The following RALGPS1 variants were observed in gnomAD, a reference collection of about 807,000 sequenced individuals.
RALGPS1 encodes the protein ras-specific guanine nucleotide-releasing factor RalGPS1.
Under a neutral mutation model 78.8 loss-of-function variants are expected in RALGPS1, and 19 were observed. That is an observed-to-expected ratio of 0.24 (90% CI 0.17 to 0.35). The LOEUF (loss-of-function observed/expected upper bound fraction) is 0.35, where lower values mean the gene tolerates loss of function less well. RALGPS1 is among the 10% of genes least tolerant of loss of function. The pLI is 1.00. For missense variants in RALGPS1, 454 were observed against 688.3 expected (o/e 0.66, Z 3.81); for synonymous variants, 228 against 256.3 (o/e 0.89, Z 1.06).
intron 14 of RALGPS1, among the ~76,000 whole-genome samples, chr9:127,206,191 C>T (rs1002482759): frequency 2.6e-5 from 4 of 152,224 alleles, no homozygotes; most frequent in Admixed American, 2.0e-4. Context: ...GTAGCATCAC[C>T]TGGGCCCTTC....
At chr9:127,045,071 C>T (rs1426992596) in intron 5 of RALGPS1, among the ~76,000 whole-genome samples, 2 of 151,892 alleles carry the variant, frequency 1.3e-5, no homozygotes, top group African/African-American at 4.8e-5. Context: ...TAGGTGAAGC[C>T]TGGGTTTTTA....
At position 127,218,853 on chromosome 9, in the gene RALGPS1, C is replaced by A; in HGVS notation, c.*84C>A. 6.8e-7 allele frequency: 1 copy of A among 1,479,030 alleles called. No individual in the cohort carries two copies. The highest frequency in any genetic ancestry group is 9.5e-7 in the Non-Finnish European group (1 of 1,057,500). 91.6% of individuals were successfully genotyped at this position (1,479,030 alleles called of 1,614,324 possible). A position where few individuals can be genotyped will look rare whatever the true frequency, so the allele number is the denominator to read the frequency against. On this transcript the variant is annotated 3_prime_UTR_variant, in exon 19 of 19. Transcript: ENST00000259351. This position sits in a 1 kb window ranked among gnomAD's most constrained non-coding sequence, Gnocchi z 4.4. ...GGTGAAGAGCAGTCCTGGGCACAGG[C>A]TGTGAGCCAGGGTGCTGGGAAACTC...
At chr9:127,119,145 C>G (rs116464141) in intron 8 of RALGPS1, among the ~76,000 whole-genome samples, 1 of 152,186 alleles carries the variant, frequency 6.6e-6, no homozygotes. Flanking sequence ...AGTCAGCCAA[C>G]CTGGTTTCGA....
intron 8 of RALGPS1, among the ~76,000 whole-genome samples, chr9:127,093,541 ACCCCTGGTGGG>A (rs1269635605): frequency 1.4e-4 from 21 of 151,666 alleles, no homozygotes; most frequent in Non-Finnish European, 2.8e-4. Context: ...GGTCCTCACT[ACCCCTGGTGGG>A]TTTGCAAAAT....
intron 1 of RALGPS1, among the ~76,000 whole-genome samples, chr9:126,933,807 G>A (rs1049169166): frequency 7.2e-5 from 11 of 152,136 alleles, no homozygotes; most frequent in Non-Finnish European, 1.6e-4. Flanking sequence ...CAATGCTTGC[G>A]TGTGCCTGCA....
intron 1 of RALGPS1, among the ~76,000 whole-genome samples, chr9:126,928,893 C>T (rs750281214): frequency 5.3e-5 from 8 of 152,138 alleles, no homozygotes; most frequent in African/African-American, 1.4e-4. Flanking sequence ...TGAGCCACCA[C>T]GCCCGGCCAA....
intron 1 of RALGPS1, among the ~76,000 whole-genome samples, chr9:126,943,674 T>G (rs2036982317): frequency 6.6e-6 from 1 of 152,176 alleles, no homozygotes; most frequent in South Asian, 2.1e-4. Context: ...TCCGTTTTCC[T>G]GTCACCTGGG....
At chr9:126,973,715 C>A (rs1378359252) in intron 3 of RALGPS1, among the ~76,000 whole-genome samples, 1 of 152,162 alleles carries the variant, frequency 6.6e-6, no homozygotes, top group Non-Finnish European at 1.5e-5. Context: ...TTTCGTCTTG[C>A]AAAATGGAAA....
chr9:127,106,957 A>G (rs895013371), intron 8 of RALGPS1: 3 of 152,248 alleles, frequency 2.0e-5, no homozygotes, highest in Non-Finnish European at 4.4e-5. Context: ...TTATGCAGAG[A>G]TGAATATAGT....
At chr9:127,208,710 T>C (rs1438121479) in intron 14 of RALGPS1, among the ~76,000 whole-genome samples, 1 of 152,120 alleles carries the variant, frequency 6.6e-6, no homozygotes, top group Non-Finnish European at 1.5e-5. Context: ...GCCAGTCCAC[T>C]CCTCACTCCT....
At chr9:127,107,309 A>G (rs1212169500) in intron 8 of RALGPS1, among the ~76,000 whole-genome samples, 1 of 152,186 alleles carries the variant, frequency 6.6e-6, no homozygotes, top group Non-Finnish European at 1.5e-5. Context: ...TTCCTCCCCC[A>G]TAACGGTATT....
chr9:127,098,980 G>A (rs924637846), intron 8 of RALGPS1, among the ~76,000 whole-genome samples: 3 of 152,204 alleles, frequency 2.0e-5, no homozygotes, highest in Non-Finnish European at 2.9e-5. Flanking sequence ...ACATGGCTCC[G>A]TGAATATCTG....
At chr9:126,936,658 A>C (rs779085959) in intron 1 of RALGPS1, among the ~76,000 whole-genome samples, 1 of 152,146 alleles carries the variant, frequency 6.6e-6, no homozygotes, top group South Asian at 2.1e-4. Context: ...CAAGTCCTCT[A>C]TATACCCAGC....
chr9:127,043,869 A>G lies in RALGPS1; in HGVS notation c.301-6174A>G, dbSNP rs975989358. On this transcript the variant is annotated intron_variant, in intron 5 of 18. Transcript: ENST00000259351. Reference sequence around the variant, plus strand: ...TGCTCAACATTATTTGTCATTAGGGAAACACAAAACACTACATACCTATTA... The same window carrying G: ...TGCTCAACATTATTTGTCATTAGGGGAACACAAAACACTACATACCTATTA... 2.0e-5 allele frequency among the ~76,000 whole-genome samples: 3 copies of G among 152,378 alleles called. No individual in the cohort carries two copies. In the East Asian group the frequency reaches 5.8e-4, roughly 29 times the overall value.
intron 4 of RALGPS1, among the ~76,000 whole-genome samples, chr9:127,004,936 G>GT (rs1160261923): frequency 6.6e-6 from 1 of 152,204 alleles, no homozygotes; most frequent in African/African-American, 2.4e-5. Flanking sequence ...CAGCAGCCTT[G>GT]TTTTGGAAGA....
intron 1 of RALGPS1, among the ~76,000 whole-genome samples, chr9:126,946,837 G>C (rs950810106): frequency 2.0e-5 from 3 of 152,046 alleles, no homozygotes; most frequent in Admixed American, 1.3e-4. Context: ...CCTAAAATTT[G>C]CCTCCTTTCC....
chr9:126,942,951 C>T (rs1233179010), intron 1 of RALGPS1, among the ~76,000 whole-genome samples: 1 of 151,820 alleles, frequency 6.6e-6, no homozygotes, highest in Non-Finnish European at 1.5e-5. Context: ...TTAGTGGGCT[C>T]TTGGGCCATT....
chr9:127,202,556 C>T (rs1003949736), intron 14 of RALGPS1, among the ~76,000 whole-genome samples: 2 of 152,204 alleles, frequency 1.3e-5, no homozygotes, highest in Admixed American at 6.5e-5. Flanking sequence ...GCTCTTCATC[C>T]TCCTGTCTCC....
At chr9:126,964,464 A>T (rs1014844639) in intron 2 of RALGPS1, among the ~76,000 whole-genome samples, 4 of 151,510 alleles carry the variant, frequency 2.6e-5, no homozygotes, top group Admixed American at 2.0e-4. Flanking sequence ...GTTATTTTTT[A>T]AGCTTTATTT....
Sources: allele counts gnomAD v4.1 joint callset (sites outside exome capture counted in the v4.1 genomes callset), GRCh38; gene constraint gnomAD v4.1.1; non-coding constraint Gnocchi (gnomAD v3.1); transcripts MANE v1.5; gene names NCBI Gene and HGNC (gene_info 2026-07-23, HGNC 2026-07-21).